SEMA5A: variants seen among roughly 807,000 people sequenced by gnomAD.
SEMA5A encodes semaphorin 5A.
In SEMA5A, 55 loss-of-function variants were observed where a neutral mutation model predicts 135.5. That is an observed-to-expected ratio of 0.41 (90% CI 0.33 to 0.51). The LOEUF is 0.51. Ranked by LOEUF, SEMA5A falls within the 20% of genes least tolerant of loss-of-function variation. The pLI is 0.37. For synonymous variants in SEMA5A, 580 were observed against 546.5 expected, an observed-to-expected ratio of 1.06 and a Z score of -0.85; for missense variants, 1,290 against 1,419.9, an observed-to-expected ratio of 0.91 and a Z score of 1.47.
chr5:9,497,429 G>A (rs537935471), intron 1 of SEMA5A, among the ~76,000 whole-genome samples: 9 of 152,286 alleles, frequency 5.9e-5, no homozygotes, highest in South Asian at 2.1e-4. Flanking sequence ...CTATAGTGCC[G>A]ATAATGGAGA....
At chr5:9,467,946 C>T (rs185649114) in intron 1 of SEMA5A, among the ~76,000 whole-genome samples, 218 of 152,338 alleles carry the variant, frequency 1.4e-3, no homozygotes, top group African/African-American at 5.1e-3. Flanking sequence ...TCTAACTAAT[C>T]TTTACAACAC....
At chr5:9,133,297 G>A (rs556952152) in intron 13 of SEMA5A, among the ~76,000 whole-genome samples, 3 of 152,302 alleles carry the variant, frequency 2.0e-5, no homozygotes, top group Non-Finnish European at 2.9e-5. Context: ...AGAAAGAGAT[G>A]TATAGTTAGA....
intron 2 of SEMA5A, among the ~76,000 whole-genome samples, chr5:9,408,895 C>T (rs1757001364): frequency 6.6e-6 from 1 of 152,026 alleles, no homozygotes; most frequent in Non-Finnish European, 1.5e-5. Flanking sequence ...ACAACAGAAT[C>T]CTATTTTTAA....
At chr5:9,449,731 C>A (rs764724515) in intron 1 of SEMA5A, among the ~76,000 whole-genome samples, 1 of 152,124 alleles carries the variant, frequency 6.6e-6, no homozygotes, top group African/African-American at 2.4e-5. Context: ...CCGGGTGGTA[C>A]CTGGAGATGA....
intron 11 of SEMA5A, among the ~76,000 whole-genome samples, chr5:9,172,542 A>C (rs1172021356): frequency 6.6e-6 from 1 of 152,174 alleles, no homozygotes. Flanking sequence ...TTTTAACTAA[A>C]ATCCCTTAAC....
chr5:9,070,796 GGTT>G (rs1737731394), intron 16 of SEMA5A, among the ~76,000 whole-genome samples: 1 of 152,132 alleles, frequency 6.6e-6, no homozygotes, highest in East Asian at 1.9e-4. Context: ...TGCTTTTTGA[GGTT>G]TAATTATGAT....
chr5:9,300,998 T>C (rs895859106), intron 5 of SEMA5A, among the ~76,000 whole-genome samples: 5 of 152,216 alleles, frequency 3.3e-5, no homozygotes, highest in Non-Finnish European at 7.3e-5. Flanking sequence ...AAATTTGTGG[T>C]AATTTGTTAT....
intron 3 of SEMA5A, among the ~76,000 whole-genome samples, chr5:9,372,837 A>T (rs1159862811): frequency 6.6e-6 from 1 of 152,138 alleles, no homozygotes; most frequent in Non-Finnish European, 1.5e-5. Flanking sequence ...CATCTCCTTC[A>T]CTCATCCAGC....
rs984352209 is a variant in SEMA5A, at chr5:9,546,031, G to A, written c.-622C>T. ...GGCGGGAAAGCAGCGCTCGGGAGCG[G>A]GCTCAGGGAGAGCAGCCGCCACCGG... On this transcript the variant is annotated 5_prime_UTR_variant, in exon 1 of 23. Transcript: ENST00000382496. 1 of 152,276 alleles carries A rather than the reference G, an allele frequency of 6.6e-6. No homozygotes were observed. Among genetic ancestry groups the A allele is most frequent in the Non-Finnish European group, 1.5e-5 (1 of 68,182 alleles). The allele number at this position is 152,276 out of a possible 1,614,324, so 9.4% of individuals were successfully genotyped here.
chr5:9,194,640 T>C (rs879786334), intron 10 of SEMA5A, among the ~76,000 whole-genome samples: 2 of 152,208 alleles, frequency 1.3e-5, no homozygotes, highest in Admixed American at 6.5e-5. Flanking sequence ...TGCTGTGTAC[T>C]TGTACTAGGA....
intron 6 of SEMA5A, among the ~76,000 whole-genome samples, chr5:9,231,929 A>G (rs1328183357): frequency 4.6e-5 from 7 of 152,176 alleles, no homozygotes; most frequent in African/African-American, 1.7e-4. Context: ...TCATCTATCT[A>G]CATTTTGATC....
At chr5:9,089,015 T>C (rs949633402) in intron 16 of SEMA5A, among the ~76,000 whole-genome samples, 2 of 152,168 alleles carry the variant, frequency 1.3e-5, no homozygotes. Flanking sequence ...TAAATTTACC[T>C]GAAAACACTA....
chr5:9,374,430 AT>A (rs2126452944), intron 3 of SEMA5A, among the ~76,000 whole-genome samples: 1 of 152,316 alleles, frequency 6.6e-6, no homozygotes, highest in East Asian at 1.9e-4. Flanking sequence ...CTGCATGGAA[AT>A]CAGGATTTTA....
At chr5:9,104,103 ATTCTATTTGTGCCCAGAGGACCAG>A (rs1443604402) in intron 16 of SEMA5A, among the ~76,000 whole-genome samples, 1 of 152,208 alleles carries the variant, frequency 6.6e-6, no homozygotes, top group Non-Finnish European at 1.5e-5. Context: ...GTGTCATTAA[ATTCTATTTGTGCCCAGAGGACCAG>A]TTCTCAAATG....
At chr5:9,471,813 T>C (rs1311313935) in intron 1 of SEMA5A, among the ~76,000 whole-genome samples, 2 of 152,216 alleles carry the variant, frequency 1.3e-5, no homozygotes, top group African/African-American at 2.4e-5. Flanking sequence ...AGCAAACTCA[T>C]TGTTCAAATT....
rs1410841384 is a variant in SEMA5A at position 9,427,508 on chromosome 5, C to G, written c.-78+10248G>C. Among the ~76,000 whole-genome samples the G allele has an allele frequency of 2.6e-5, 4 of 152,184 alleles. No individual in the cohort carries two copies. In the East Asian group the frequency reaches 5.8e-4, roughly 22 times the overall value. On this transcript the variant is annotated intron_variant, in intron 2 of 22. Transcript: ENST00000382496. ...CTCTGATGAGGTTTCAGCCTGAGAA[C>G]TAACATGGGAAATGTGCTGTCCTTC...
At chr5:9,288,972 C>T (rs950616474) in intron 5 of SEMA5A, among the ~76,000 whole-genome samples, 4 of 152,180 alleles carry the variant, frequency 2.6e-5, no homozygotes, top group African/African-American at 9.7e-5. Context: ...CTTCTTTTGT[C>T]AGAAAGTGAA....
chr5:9,052,858 A>G (rs1736666774), intron 19 of SEMA5A, among the ~76,000 whole-genome samples: 1 of 152,230 alleles, frequency 6.6e-6, no homozygotes, highest in African/African-American at 2.4e-5. Flanking sequence ...ATCAGGATAA[A>G]AAGGTATTTT....
intron 4 of SEMA5A, among the ~76,000 whole-genome samples, chr5:9,326,451 G>C (rs1043483036): frequency 2.0e-5 from 3 of 151,998 alleles, no homozygotes; most frequent in Admixed American, 2.0e-4. Context: ...ATGGGGTTTC[G>C]CTGTGTTGGC....
Sources: allele counts gnomAD v4.1 joint callset (sites outside exome capture counted in the v4.1 genomes callset), GRCh38; gene constraint gnomAD v4.1.1; transcripts MANE v1.5; gene names NCBI Gene and HGNC (gene_info 2026-07-23, HGNC 2026-07-21).